The following LDB1 variants were observed in gnomAD, a reference collection of about 807,000 sequenced individuals.
LDB1 encodes the protein LIM domain binding 1.
LDB1 carries 6 observed loss-of-function variants against 49.7 expected under a neutral mutation model. The ratio of observed to expected loss-of-function variants is 0.12; its 90% CI spans 0.07 to 0.24. LDB1 has a LOEUF of 0.24. LDB1 is among the 10% of genes least tolerant of loss of function. LDB1 has a pLI of 1.00. For missense variants in LDB1, 341 were observed against 561.7 expected (o/e 0.61, Z 3.97); for synonymous variants, 233 against 202.0 (o/e 1.15, Z -1.30).
At position 102,107,095 on chromosome 10, in the gene LDB1, A is replaced by C. The variant is rs1448758190; in HGVS notation, c.*998T>G. 1.3e-5 allele frequency among the ~76,000 whole-genome samples: 2 copies of C among 152,122 alleles called. No homozygotes were observed. The highest frequency in any genetic ancestry group is 2.9e-5 in the Non-Finnish European group (2 of 68,012). On this transcript the variant is annotated 3_prime_UTR_variant, in exon 11 of 11. Coordinates refer to ENST00000673968, the MANE Select transcript of LDB1 (RefSeq NM_001113407.3). ...CTCCCATCCCATGCCTGCCCAACTG[A>C]AACAAAACCAAAAATACAGCAACAA... is the stretch of plus-strand genomic sequence containing the variant.
downstream of LDB1, among the ~76,000 whole-genome samples, chr10:102,106,162 C>G (rs1305169255): frequency 6.6e-6 from 1 of 152,000 alleles, no homozygotes; most frequent in Non-Finnish European, 1.5e-5. Context: ...ATCCCAGGAA[C>G]CTGCCCCAGG....
Position 102,107,985 on chromosome 10 carries a change from G to A in LDB1, c.*108C>T, listed in dbSNP as rs2068191133. 2.2e-6 allele frequency: 2 copies of A among 901,822 alleles called. No individual in the cohort carries two copies. Among genetic ancestry groups the A allele is most frequent in the South Asian group, 1.5e-5 (1 of 67,122 alleles). The allele number at this position is 901,822 out of a possible 1,614,324, so 55.9% of individuals were successfully genotyped here. A position where few individuals can be genotyped will look rare whatever the true frequency, so the allele number is the denominator to read the frequency against. The stretch of plus-strand genomic sequence containing the variant: ...AGTTCCTCCCTGAAGCGGGTGGATG[G>A]AGGCTGCCCATTTTAGATGCTCAGT... On this transcript the variant is annotated 3_prime_UTR_variant, in exon 11 of 11. Coordinates refer to ENST00000673968, the MANE Select transcript of LDB1 (RefSeq NM_001113407.3).
At chr10:102,116,170 A>G (rs534094065) in intron 1 of LDB1, among the ~76,000 whole-genome samples, 10 of 152,306 alleles carry the variant, frequency 6.6e-5, no homozygotes, top group African/African-American at 1.9e-4. Context: ...TACCTGATAC[A>G]CATTTCAACC....
chr10:102,104,614 G>A (rs1211111643), downstream of LDB1, among the ~76,000 whole-genome samples: 1 of 152,158 alleles, frequency 6.6e-6, no homozygotes, highest in Non-Finnish European at 1.5e-5. Flanking sequence ...GCTGGCCACT[G>A]TGTTTCCTGA....
chr10:102,106,262 C>A (rs1372810671), downstream of LDB1, among the ~76,000 whole-genome samples: 2 of 151,942 alleles, frequency 1.3e-5, no homozygotes, highest in Non-Finnish European at 2.9e-5. Flanking sequence ...AGAAAGCCAA[C>A]TCTCCCTCAA....
intron 1 of LDB1, among the ~76,000 whole-genome samples, chr10:102,112,541 T>C (rs558188786): frequency 6.6e-6 from 1 of 152,262 alleles, no homozygotes; most frequent in South Asian, 2.1e-4. Context: ...GCCTACCAGA[T>C]AACCAGTTGG....
intron 1 of LDB1, among the ~76,000 whole-genome samples, chr10:102,115,721 A>G (rs1273837216): frequency 6.6e-6 from 1 of 151,140 alleles, no homozygotes; most frequent in East Asian, 1.9e-4. Context: ...AATCCTCCCC[A>G]CCACCCCAGA....
intron 1 of LDB1, 55 bp downstream of exon 1, chr10:102,120,031 G>A: frequency 7.5e-7 from 1 of 1,342,140 alleles, no homozygotes; most frequent in Non-Finnish European, 1.0e-6. Context: ...CGGGGTGAGG[G>A]GTCCGCAGGG....
Position 102,120,220 on chromosome 10 carries a change from C to T in LDB1, c.-110G>A, listed in dbSNP as rs2068399613. ...CGCCCGCGGCCCCCGCTGCGCTCGC[C>T]GCCGGCCCGGCCCGGCCTCGGCCCG... On this transcript the variant is annotated 5_prime_UTR_variant, in exon 1 of 11. Transcript: ENST00000673968. 2 of 989,922 alleles carry T rather than the reference C, an allele frequency of 2.0e-6. No individual in the cohort carries two copies. Among genetic ancestry groups the T allele is most frequent in the African/African-American group, 1.8e-5 (1 of 56,922 alleles). 61.3% of individuals were successfully genotyped at this position (989,922 alleles called of 1,614,324 possible). A position where few individuals can be genotyped will look rare whatever the true frequency, so the allele number is the denominator to read the frequency against.
Position 102,109,173 on chromosome 10 carries a change from C to T in LDB1, c.861G>A (p.Glu287=). The change falls in exon 10 of 11, where the codon GAG becomes GAA. Residue 287 remains glutamate (E), a synonymous_variant. Coordinates refer to ENST00000673968, the MANE Select transcript of LDB1 (RefSeq NM_001113407.3). The surrounding 1 kb of genome is among the most constrained non-coding windows in gnomAD (Gnocchi z 5.8). ...GTTTGCTGGGCTGCTGACGTGTGGG[C>T]TCCGCTGTGCCGGTAAACGGAGACT... The part of the protein sequence containing the change: ...KWQRMVAPPA[E]PTRQQPSKRR... 9 of 1,613,550 alleles carry T rather than the reference C, an allele frequency of 5.6e-6. No homozygotes were observed. Among genetic ancestry groups the T allele is most frequent in the Non-Finnish European group, 7.6e-6 (9 of 1,179,894 alleles).
At chr10:102,119,298 G>GCCC (rs752751627) in intron 1 of LDB1, among the ~76,000 whole-genome samples, 1 of 131,408 alleles carries the variant, frequency 7.6e-6, no homozygotes, top group African/African-American at 2.8e-5. Flanking sequence ...GACGCCCTCC[G>GCCC]CCCCCCCCAC....
At chr10:102,113,759 TAAAA>T (rs11422831) in intron 1 of LDB1, among the ~76,000 whole-genome samples, 1 of 123,648 alleles carries the variant, frequency 8.1e-6, no homozygotes, top group Admixed American at 8.3e-5. Context: ...TCCAATTTTG[TAAAA>T]AAAAAAAAAA....
intron 1 of LDB1, among the ~76,000 whole-genome samples, chr10:102,115,810 T>C (rs2068329166): frequency 6.6e-6 from 1 of 150,620 alleles, no homozygotes; most frequent in African/African-American, 2.4e-5. Context: ...ATTTCTATTT[T>C]TTTTCCTAAG....
At chr10:102,103,067 T>A (rs1332450638), downstream of LDB1, among the ~76,000 whole-genome samples, 1 of 152,222 alleles carries the variant, frequency 6.6e-6, no homozygotes, top group Non-Finnish European at 1.5e-5. Flanking sequence ...TGTTACTTTG[T>A]TGTTCAGGCT....
At position 102,109,340 on chromosome 10, in the gene LDB1, G is replaced by A. The variant is rs1260071945; in HGVS notation, c.856+44C>T. On this transcript the variant is annotated intron_variant, in intron 9 of 10. Transcript: ENST00000673968. The surrounding 1 kb of genome is among the most constrained non-coding windows in gnomAD (Gnocchi z 5.8). ...AAAGGAAATAAAGATACAGCTTTGG[G>A]GAGCGGTGTGAGATCCTGGTAAGAG... The A allele has an allele frequency of 1.2e-6, 2 of 1,612,548 alleles. No homozygotes were observed. The highest frequency in any genetic ancestry group is 3.3e-5 in the Admixed American group (2 of 59,988).
At position 102,107,924 on chromosome 10, in the gene LDB1, G is replaced by C. The variant is rs572790384; in HGVS notation, c.*169C>G. 3.9e-5 allele frequency: 26 copies of C among 666,774 alleles called. No homozygotes were observed. The highest frequency in any genetic ancestry group is 3.6e-4 in the South Asian group (20 of 56,126). 41.3% of individuals were successfully genotyped at this position (666,774 alleles called of 1,614,324 possible). ...GGCCAGGCCCAGCCCAGGGCCACTG[G>C]GGGGGCAAATCTTGGCACCTGCCCC... On this transcript the variant is annotated 3_prime_UTR_variant, in exon 11 of 11. Transcript: ENST00000673968.
chr10:102,114,812 G>GGGGGCCCCCCCCCC, intron 1 of LDB1: 79 of 929,780 alleles, frequency 8.5e-5, no homozygotes, highest in South Asian at 9.9e-5. Context: ...CCTCCGAGCA[G>GGGGGCCCCCCCCCC]CCCGCCCGCC....
chr10:102,116,828 C>A (rs2068341215), intron 1 of LDB1, among the ~76,000 whole-genome samples: 3 of 152,168 alleles, frequency 2.0e-5, no homozygotes, highest in African/African-American at 7.2e-5. Flanking sequence ...TTAAGACACT[C>A]CCACTGACTC....
chr10:102,116,476 T>G (rs1159629467), intron 1 of LDB1, among the ~76,000 whole-genome samples: 1 of 152,140 alleles, frequency 6.6e-6, no homozygotes, highest in East Asian at 1.9e-4. Context: ...CCACCGCGTC[T>G]GGCCATCAAC....
Sources: gnomAD v4.1 joint callset for allele counts (sites outside exome capture counted in the v4.1 genomes callset) on GRCh38, gnomAD v4.1.1 for gene constraint, Gnocchi (gnomAD v3.1) non-coding constraint, MANE v1.5 for transcripts, NCBI Gene and HGNC (gene_info 2026-07-23, HGNC 2026-07-21) for gene names.